YAF2: variants seen among roughly 807,000 people sequenced by gnomAD.
YAF2 encodes YY1 associated factor 2, also known as YY1-associated factor 2.
In YAF2, 7 loss-of-function variants were observed where a neutral mutation model predicts 20.1. The ratio of observed to expected loss-of-function variants is 0.35; its 90% CI spans 0.20 to 0.65. The LOEUF (loss-of-function observed/expected upper bound fraction) is 0.65, where lower values mean the gene tolerates loss of function less well. Among genes scored for constraint, YAF2 ranks in the 30% least tolerant of loss-of-function variants. The probability of loss-of-function intolerance (pLI) is 0.69; values close to 1 mark genes in which losing one functional copy is unlikely to be tolerated. For missense variants in YAF2, 151 were observed against 219.2 expected, an observed-to-expected ratio of 0.69 and a Z score of 1.96; for synonymous variants, 74 against 76.0, an observed-to-expected ratio of 0.97 and a Z score of 0.14.
intron 2 of YAF2, among the ~76,000 whole-genome samples, chr12:42,178,252 C>A (rs953024751): frequency 6.6e-6 from 1 of 152,144 alleles, no homozygotes; most frequent in African/African-American, 2.4e-5. Context: ...ATTAGCATCA[C>A]AAGGAGTCCT....
At position 42,161,626 on chromosome 12, in the gene YAF2, G is replaced by A. The variant is rs1257282294; in HGVS notation, c.292C>T (p.His98Tyr). 3 of 1,588,682 alleles carry A rather than the reference G, an allele frequency of 1.9e-6. No homozygotes were observed. Among genetic ancestry groups the A allele is most frequent in the South Asian group, 2.3e-5 (2 of 86,276 alleles). ...EKETTSKKNS[H>Y]KKTRPRLKNV... ...CTTCACATTTACCTGGTTTTCTTAT[G>A]GCTATTCTTTTTGCTAGTTGTTTCC... Residue 98 changes from histidine (H) to tyrosine (Y), a missense_variant, in exon 3 of 4, where the codon CAT becomes TAT. His to Tyr is a moderately conservative substitution (Grantham distance 83). Coordinates refer to ENST00000534854, the MANE Select transcript of YAF2 (RefSeq NM_005748.6).
rs1385212711 is a variant in YAF2 at position 42,157,375 on chromosome 12, A to G, written c.*3214T>C. On this transcript the variant is annotated 3_prime_UTR_variant, in exon 4 of 4. Coordinates refer to ENST00000534854, the MANE Select transcript of YAF2 (RefSeq NM_005748.6). Reference sequence around the variant, plus strand: ...AGCCTTTAATCCATCTCAATGACCTAATCACCTCTTAAAGGCACCACCTAC... The same window carrying G: ...AGCCTTTAATCCATCTCAATGACCTGATCACCTCTTAAAGGCACCACCTAC... The G allele has an allele frequency of 6.6e-6, 1 of 152,230 alleles. No individual in the cohort carries two copies. Among genetic ancestry groups the G allele is most frequent in the African/African-American group, 2.4e-5 (1 of 41,446 alleles). The allele number at this position is 152,230 out of a possible 1,614,324, so 9.4% of individuals were successfully genotyped here.
chr12:42,212,223 C>T (rs2067233055), intron 2 of YAF2, among the ~76,000 whole-genome samples: 1 of 151,938 alleles, frequency 6.6e-6, no homozygotes, highest in African/African-American at 2.4e-5. Flanking sequence ...AAAACTATTT[C>T]TAATCAAAAG....
chr12:42,157,445 T>G lies in YAF2; in HGVS notation c.*3144A>C, dbSNP rs1051800096. The stretch of plus-strand genomic sequence containing the variant: ...ACTCAGGCCTCAGCATGAGTTTTGG[T>G]GAGGACAAACCATATCCAAACCATA... On this transcript the variant is annotated 3_prime_UTR_variant, in exon 4 of 4. Coordinates refer to ENST00000534854, the MANE Select transcript of YAF2 (RefSeq NM_005748.6). 16 of 152,188 alleles carry G rather than the reference T, an allele frequency of 1.1e-4. No individual in the cohort carries two copies. The highest frequency in any genetic ancestry group is 2.1e-4 in the Non-Finnish European group (14 of 68,052). The allele number at this position is 152,188 out of a possible 1,614,324, so 9.4% of individuals were successfully genotyped here.
At chr12:42,196,762 A>AT (rs1248064730) in intron 2 of YAF2, among the ~76,000 whole-genome samples, 1 of 152,184 alleles carries the variant, frequency 6.6e-6, no homozygotes, top group East Asian at 1.9e-4. Context: ...AAAGCTCTTG[A>AT]TTTTTTAATG....
Position 42,238,146 on chromosome 12 carries a change from C to A in YAF2, c.26+9G>T. On this transcript the variant is annotated intron_variant, in intron 1 of 3. Coordinates refer to ENST00000534854, the MANE Select transcript of YAF2 (RefSeq NM_005748.6). ...CACAGTCCGGGCCCCGGGGCCCGGG[C>A]GCTGTTACCTGGTGGGGCTCTTCTT... 2 of 1,541,390 alleles carry A rather than the reference C, an allele frequency of 1.3e-6. No individual in the cohort carries two copies. The highest frequency in any genetic ancestry group is 1.2e-5 in the South Asian group (1 of 84,072).
intron 2 of YAF2, among the ~76,000 whole-genome samples, chr12:42,198,822 T>C (rs375604271): frequency 1.1e-4 from 16 of 152,264 alleles, no homozygotes; most frequent in Middle Eastern, 6.8e-3. Context: ...AACAGCAGAA[T>C]TACATAACAC....
intron 2 of YAF2, among the ~76,000 whole-genome samples, chr12:42,175,447 T>C (rs2066156138): frequency 2.6e-5 from 4 of 152,016 alleles, no homozygotes; most frequent in Non-Finnish European, 1.5e-5. Context: ...CTCTTGATTG[T>C]GGTGATAGTT....
chr12:42,218,053 C>T (rs768529163), intron 2 of YAF2, among the ~76,000 whole-genome samples: 2 of 152,136 alleles, frequency 1.3e-5, no homozygotes, highest in African/African-American at 4.8e-5. Flanking sequence ...AAAAATTCTG[C>T]TTTTACTGGC....
At chr12:42,179,789 CAA>C (rs71084622) in intron 2 of YAF2, among the ~76,000 whole-genome samples, 43 of 85,128 alleles carry the variant, frequency 5.1e-4, no homozygotes, top group Admixed American at 1.2e-3. Flanking sequence ...GTCTAAAAGG[CAA>C]AAAAAAAAAA....
At chr12:42,177,537 C>A (rs973125766) in intron 2 of YAF2, among the ~76,000 whole-genome samples, 1 of 152,170 alleles carries the variant, frequency 6.6e-6, no homozygotes, top group African/African-American at 2.4e-5. Flanking sequence ...GATTAGGACT[C>A]CACTTTTACG....
rs751437384 is a variant in YAF2, at chr12:42,238,215, C to G, written c.-35G>C. On this transcript the variant is annotated 5_prime_UTR_variant, in exon 1 of 4. Coordinates refer to ENST00000534854, the MANE Select transcript of YAF2 (RefSeq NM_005748.6). Reference sequence around the variant, plus strand: ...ATCACCGCACGCCGAGAGTCGCCGCCGCGACCGCTCTGTTTGTCAATAAGG... The same window carrying G: ...ATCACCGCACGCCGAGAGTCGCCGCGGCGACCGCTCTGTTTGTCAATAAGG... 1.3e-6 allele frequency: 2 copies of G among 1,489,960 alleles called. No homozygotes were observed. Among genetic ancestry groups the G allele is most frequent in the East Asian group, 2.9e-5 (1 of 34,562 alleles). 92.3% of individuals were successfully genotyped at this position (1,489,960 alleles called of 1,614,324 possible).
At chr12:42,209,205 T>C (rs2067135650) in intron 2 of YAF2, among the ~76,000 whole-genome samples, 1 of 151,548 alleles carries the variant, frequency 6.6e-6, no homozygotes, top group South Asian at 2.1e-4. Flanking sequence ...TTTTCAAATA[T>C]ACTTTCAATG....
chr12:42,227,058 G>A (rs1422209270), intron 2 of YAF2, among the ~76,000 whole-genome samples: 8 of 145,862 alleles, frequency 5.5e-5, no homozygotes, highest in African/African-American at 1.0e-4. Context: ...GCGACCGACC[G>A]CAGCCGCCGC....
intron 2 of YAF2, among the ~76,000 whole-genome samples, chr12:42,168,754 A>G (rs1256737954): frequency 6.6e-6 from 1 of 152,128 alleles, no homozygotes; most frequent in African/African-American, 2.4e-5. Context: ...CAAACTCTAG[A>G]TCTAAGGGCA....
At position 42,193,101 on chromosome 12, in the gene YAF2, G is replaced by A. The variant is rs547440146; in HGVS notation, c.153-31336C>T. Among the ~76,000 whole-genome samples, 14 of 152,198 alleles carry A rather than the reference G, an allele frequency of 9.2e-5. No individual in the cohort carries two copies. The East Asian group carries it at 2.7e-3, about 29-fold the overall frequency. ...GGCCGAGGGGGGGCAGATCACTAGA[G>A]GCCAGGAGTTTGAGACCAGCCTGGC... On this transcript the variant is annotated intron_variant, in intron 2 of 3. Transcript: ENST00000534854.
chr12:42,176,620 A>G (rs1186450150), intron 2 of YAF2, among the ~76,000 whole-genome samples: 2 of 152,162 alleles, frequency 1.3e-5, no homozygotes, highest in African/African-American at 4.8e-5. Flanking sequence ...TAAGTCTAAA[A>G]TTGAATGCTT....
At position 42,235,843 on chromosome 12, in the gene YAF2, C is replaced by T. The variant is rs1171732752; in HGVS notation, c.152+1756G>A. On this transcript the variant is annotated intron_variant, in intron 2 of 3. Transcript: ENST00000534854. ...CCACTTCTCTGTCCTGGGCCAACTC[C>T]CCTGTGTACTATATTCCTTCTTCTT... The T allele has an allele frequency of 1.4e-5, 21 of 1,536,060 alleles. No individual in the cohort carries two copies. In the East Asian group the frequency reaches 3.7e-4, roughly 27 times the overall value.
At chr12:42,204,376 G>A (rs1241592036) in intron 2 of YAF2, among the ~76,000 whole-genome samples, 1 of 152,094 alleles carries the variant, frequency 6.6e-6, no homozygotes, top group African/African-American at 2.4e-5. Context: ...GAAAATATGT[G>A]GGGGGAAAAG....
Sources: allele counts gnomAD v4.1 joint callset (sites outside exome capture counted in the v4.1 genomes callset), GRCh38; gene constraint gnomAD v4.1.1; transcripts MANE v1.5; gene names NCBI Gene and HGNC (gene_info 2026-07-23, HGNC 2026-07-21).